Variants in GIGYF2 observed in about 807,000 individuals in gnomAD.
GIGYF2 encodes GRB10 interacting GYF protein 2.
GIGYF2 carries 25 observed loss-of-function variants against 208.1 expected under a neutral mutation model. The observed-to-expected ratio is 0.12, with a 90% confidence interval of 0.09 to 0.17. The LOEUF (loss-of-function observed/expected upper bound fraction) is 0.17. GIGYF2 is among the 10% of genes least tolerant of loss of function. GIGYF2 has a pLI of 1.00. For synonymous variants in GIGYF2, 534 were observed against 543.8 expected, an observed-to-expected ratio of 0.98 and a Z score of 0.25; for missense variants, 1,302 against 1,579.4, an observed-to-expected ratio of 0.82 and a Z score of 2.98.
intron 19 of GIGYF2, among the ~76,000 whole-genome samples, chr2:232,816,267 C>T (rs966185623): frequency 3.3e-5 from 5 of 152,130 alleles, no homozygotes; most frequent in African/African-American, 1.2e-4. Flanking sequence ...ACATCAATAC[C>T]TAGTGTCATT....
In GIGYF2 at chr2:232,791,282, C is replaced by G; in HGVS notation, c.1118C>G (p.Thr373Ser). Residue 373 changes from threonine to serine, a missense_variant, in exon 12 of 29, where the codon ACC becomes AGC. Thr to Ser is a moderately conservative substitution (Grantham distance 58). This residue lies in a region of GIGYF2 where 235 missense variants were observed against 218.8 expected (regional missense o/e 1.07). Coordinates refer to ENST00000373563, the MANE Select transcript of GIGYF2 (RefSeq NM_001103146.3). ...GVEASEETPQ[T>S]SSSSARPGTP... ...GAAGCTAGTGAGGAAACTCCCCAGA[C>G]CTCATCATCATCTGCTAGACCAGGT... 1 of 1,614,066 alleles carries G rather than the reference C, an allele frequency of 6.2e-7. No homozygotes were observed. The highest frequency in any genetic ancestry group is 8.5e-7 in the Non-Finnish European group (1 of 1,179,928).
At position 232,756,416 on chromosome 2, in the gene GIGYF2, A is replaced by G. The variant is rs1159193851; in HGVS notation, c.379+82A>G. 8.8e-6 allele frequency: 6 copies of G among 682,830 alleles called. No individual in the cohort carries two copies. The East Asian group carries it at 1.6e-4, about 18-fold the overall frequency. The allele number at this position is 682,830 out of a possible 1,614,324, so 42.3% of individuals were successfully genotyped here. The stretch of plus-strand genomic sequence containing the variant: ...TACTTTTAAAATATTTTAATGCCTG[A>G]TTTAATAAAAACTGTTCTTTGACAT... On this transcript the variant is annotated intron_variant, in intron 6 of 28. Transcript: ENST00000373563.
In GIGYF2 at chr2:232,764,114, TA is replaced by T. The variant is rs567337318; in HGVS notation, c.532+2679del. On this transcript the variant is annotated intron_variant, in intron 8 of 28. Coordinates refer to ENST00000373563, the MANE Select transcript of GIGYF2 (RefSeq NM_001103146.3). ...AGGGATATCTATGGAGTGGAACAGT[TA>T]GGACATGGGATCAGAATCAAGGTGA... 3.5e-3 allele frequency among the ~76,000 whole-genome samples: 530 copies of T among 152,324 alleles called. 1 individual carries two copies. The highest frequency in any genetic ancestry group is 6.3e-3 in the Non-Finnish European group (430 of 68,022).
intron 21 of GIGYF2, among the ~76,000 whole-genome samples, chr2:232,830,141 G>T (rs1338514266): frequency 6.6e-6 from 1 of 151,978 alleles, no homozygotes; most frequent in African/African-American, 2.4e-5. Context: ...CCCCATACCT[G>T]GCTAATTTTT....
intron 2 of GIGYF2, among the ~76,000 whole-genome samples, chr2:232,715,266 G>T (rs1272541037): frequency 1.3e-5 from 2 of 152,086 alleles, no homozygotes; most frequent in African/African-American, 4.8e-5. Context: ...CATTATTTAT[G>T]AACATTTGGA....
chr2:232,830,972 A>G (rs984145200), intron 21 of GIGYF2, among the ~76,000 whole-genome samples: 1 of 152,180 alleles, frequency 6.6e-6, no homozygotes, highest in Non-Finnish European at 1.5e-5. Context: ...TTAGTATATT[A>G]TAGGGTACCC....
chr2:232,753,918 C>T (rs948260253), intron 5 of GIGYF2, among the ~76,000 whole-genome samples: 1 of 152,138 alleles, frequency 6.6e-6, no homozygotes, highest in Non-Finnish European at 1.5e-5. Flanking sequence ...GTAATCCCAG[C>T]ACTTTGGGAG....
chr2:232,810,906 A>T (rs1263924260), intron 16 of GIGYF2: 1 of 255,792 alleles, frequency 3.9e-6, no homozygotes, highest in Non-Finnish European at 7.7e-6. Flanking sequence ...TTTTCATTTG[A>T]TTTCTGATAA....
At chr2:232,780,261 A>G (rs555759601) in intron 8 of GIGYF2, among the ~76,000 whole-genome samples, 2 of 152,190 alleles carry the variant, frequency 1.3e-5, no homozygotes, top group Non-Finnish European at 2.9e-5. Context: ...CTAACACTGC[A>G]TTTTAATTTA....
At position 232,858,830 on chromosome 2, in the gene GIGYF2, CT is replaced by C; in HGVS notation, c.*1974del. 1 of 294,640 alleles carries C rather than the reference CT, an allele frequency of 3.4e-6. No homozygotes were observed. The highest frequency in any genetic ancestry group is 6.6e-6 in the Non-Finnish European group (1 of 151,032). The allele number at this position is 294,640 out of a possible 1,614,324, so 18.3% of individuals were successfully genotyped here. ...GATGTCGGTAAGTTTGACCAAATATCTTTTCTCTTTTTGACTCTCCCTTTCT... is the reference window on the plus strand; with the variant it reads ...GATGTCGGTAAGTTTGACCAAATATCTTTCTCTTTTTGACTCTCCCTTTCT... On this transcript the variant is annotated 3_prime_UTR_variant, in exon 29 of 29. Transcript: ENST00000373563.
intron 6 of GIGYF2, 56 bp downstream of exon 6, chr2:232,756,390 T>G: frequency 1.1e-6 from 1 of 884,562 alleles, no homozygotes; most frequent in South Asian, 1.7e-5. Flanking sequence ...GATAGAGAAC[T>G]TACTTTTAAA....
chr2:232,779,898 A>G (rs1430269404), intron 8 of GIGYF2, among the ~76,000 whole-genome samples: 1 of 152,184 alleles, frequency 6.6e-6, no homozygotes, highest in Non-Finnish European at 1.5e-5. Flanking sequence ...GTAAATATCA[A>G]CACTTGAGTG....
At chr2:232,725,929 T>C (rs949326226) in intron 2 of GIGYF2, among the ~76,000 whole-genome samples, 4 of 152,240 alleles carry the variant, frequency 2.6e-5, no homozygotes, top group African/African-American at 7.2e-5. Flanking sequence ...AAGTGTGTTA[T>C]TCTGTAGAAG....
At chr2:232,713,746 C>T (rs574541482) in intron 2 of GIGYF2, among the ~76,000 whole-genome samples, 1 of 152,056 alleles carries the variant, frequency 6.6e-6, no homozygotes, top group Non-Finnish European at 1.5e-5. Context: ...GAATGACTCT[C>T]TTTTAGAATT....
At chr2:232,767,924 T>C in intron 8 of GIGYF2, 1 of 448,042 alleles carries the variant, frequency 2.2e-6, no homozygotes. Context: ...TACCACATTC[T>C]TATAAATTCA....
intron 3 of GIGYF2, among the ~76,000 whole-genome samples, chr2:232,737,184 TAC>T (rs1697767770): frequency 6.6e-6 from 1 of 152,224 alleles, no homozygotes; most frequent in Non-Finnish European, 1.5e-5. Context: ...GCCCCTGCCC[TAC>T]ACCATGAGTT....
At chr2:232,723,411 C>T (rs920228056) in intron 2 of GIGYF2, among the ~76,000 whole-genome samples, 1 of 151,430 alleles carries the variant, frequency 6.6e-6, no homozygotes, top group Non-Finnish European at 1.5e-5. Context: ...CTCTCTTCCA[C>T]AGCTAAGATT....
At chr2:232,776,697 T>C (rs1699529253) in intron 8 of GIGYF2, 1 of 520,384 alleles carries the variant, frequency 1.9e-6, no homozygotes, top group East Asian at 3.1e-5. Context: ...GCTGGTTTGT[T>C]AGGAGGTCTT....
intron 25 of GIGYF2, among the ~76,000 whole-genome samples, chr2:232,845,030 A>G (rs1701954482): frequency 1.3e-5 from 2 of 152,174 alleles, no homozygotes; most frequent in African/African-American, 4.8e-5. Context: ...TTTCTTCAAT[A>G]TACAGTGTTG....
Sources: gnomAD v4.1 joint callset for allele counts (sites outside exome capture counted in the v4.1 genomes callset) on GRCh38, gnomAD v4.1.1 for gene constraint, gnomAD v4.1.1 regional missense constraint, MANE v1.5 for transcripts, NCBI Gene and HGNC (gene_info 2026-07-23, HGNC 2026-07-21) for gene names.